IMMP2L: variants seen among roughly 807,000 people sequenced by gnomAD.
IMMP2L encodes inner mitochondrial membrane peptidase subunit 2.
Under a neutral mutation model 19.3 loss-of-function variants are expected in IMMP2L, and 18 were observed. The observed-to-expected ratio is 0.93, with a 90% CI of 0.64 to 1.38. The LOEUF (loss-of-function observed/expected upper bound fraction) is 1.38, where lower values mean the gene tolerates loss of function less well. Ranked by LOEUF, IMMP2L falls within the 40% of genes most tolerant of loss-of-function variation. The pLI, the probability that IMMP2L is intolerant of heterozygous loss-of-function variation, is 0.00. For missense variants in IMMP2L, 233 were observed against 218.2 expected, an observed-to-expected ratio of 1.07 and a Z score of -0.43; for synonymous variants, 76 against 73.0, an observed-to-expected ratio of 1.04 and a Z score of -0.21.
chr7:110,983,572 A>G (rs2129558425), intron 3 of IMMP2L, among the ~76,000 whole-genome samples: 1 of 152,208 alleles, frequency 6.6e-6, no homozygotes, highest in Non-Finnish European at 1.5e-5. Context: ...AATCACTCTT[A>G]GTTCCTACAT....
At chr7:111,176,591 T>C (rs188663840) in intron 3 of IMMP2L, among the ~76,000 whole-genome samples, 1 of 151,968 alleles carries the variant, frequency 6.6e-6, no homozygotes, top group Admixed American at 6.6e-5. Flanking sequence ...CTCATGGAGA[T>C]AGAGAGAAGA....
rs1798256448 is a variant in IMMP2L, at chr7:110,760,008, A to G, written c.409-96287T>C. On this transcript the variant is annotated intron_variant, in intron 5 of 5. Coordinates refer to ENST00000405709, the MANE Select transcript of IMMP2L (RefSeq NM_032549.4). This position sits in a 1 kb window ranked among gnomAD's most constrained non-coding sequence, Gnocchi z 4.2. ...GCTCCAGCACTTTCTGAGGAGAAAAAAAGCTTCCTTTTCTCCCCACAATGC... is the reference window on the plus strand; with the variant it reads ...GCTCCAGCACTTTCTGAGGAGAAAAGAAGCTTCCTTTTCTCCCCACAATGC... Among the ~76,000 whole-genome samples the G allele has an allele frequency of 6.6e-6, 1 of 152,092 alleles. No homozygotes were observed.
chr7:111,076,952 G>T (rs1795467794), intron 3 of IMMP2L, among the ~76,000 whole-genome samples: 2 of 151,964 alleles, frequency 1.3e-5, no homozygotes, highest in South Asian at 4.2e-4. Context: ...ACTCTAGCTA[G>T]ACCTCAATAG....
In IMMP2L at chr7:111,008,380, G is replaced by T. The variant is rs79320205; in HGVS notation, c.240-44815C>A. Among the ~76,000 whole-genome samples the T allele has an allele frequency of 7.1e-3, 1,079 of 152,060 alleles. 15 individuals are homozygous for T. Among genetic ancestry groups the T allele is most frequent in the African/African-American group, 0.025 (1,043 of 41,490 alleles). ...GGCTCAGGGACTCTGTACTAAGATT[G>T]CTCTGCCTAAGATTGCTCTTCCCCC... On this transcript the variant is annotated intron_variant, in intron 3 of 5. Transcript: ENST00000405709.
intron 1 of IMMP2L, among the ~76,000 whole-genome samples, chr7:111,556,020 A>ATGTG (rs1791292599): frequency 1.9e-5 from 1 of 53,344 alleles, no homozygotes; most frequent in African/African-American, 5.5e-5. Flanking sequence ...GTGTGCATGT[A>ATGTG]TATATATATA....
At chr7:111,309,727 T>C (rs1823294869) in intron 3 of IMMP2L, among the ~76,000 whole-genome samples, 1 of 152,154 alleles carries the variant, frequency 6.6e-6, no homozygotes, top group Admixed American at 6.6e-5. Flanking sequence ...ACAGTAGTAT[T>C]TGTTGTACTT....
In IMMP2L at chr7:111,423,720, T is replaced by A. The variant is rs182845121; in HGVS notation, c.239+63518A>T. Among the ~76,000 whole-genome samples, 856 of 151,800 alleles carry A rather than the reference T, an allele frequency of 5.6e-3. 31 individuals are homozygous for A. The highest frequency in any genetic ancestry group is 0.019 in the African/African-American group (790 of 41,178). On this transcript the variant is annotated intron_variant, in intron 3 of 5. Transcript: ENST00000405709. ...AAGAGAAAGCAGGAAAGATCTAAAA[T>A]CGACACTCTAACATCACAATTAAAA... is the stretch of plus-strand genomic sequence containing the variant.
intron 5 of IMMP2L, among the ~76,000 whole-genome samples, chr7:110,796,181 A>G (rs1471675277): frequency 6.6e-6 from 1 of 151,990 alleles, no homozygotes; most frequent in Non-Finnish European, 1.5e-5. Context: ...CAGCCATGCT[A>G]AACTATGAGT....
chr7:110,924,882 C>T lies in IMMP2L; in HGVS notation c.306-38187G>A, dbSNP rs1814688041. On this transcript the variant is annotated intron_variant, in intron 4 of 5. Transcript: ENST00000405709. The surrounding 1 kb of genome is among the most constrained non-coding windows in gnomAD (Gnocchi z 4.2). ...TACACTGCCTTAGAGCCTTATATTT[C>T]AAGAAAATGGTATATTCAAAAAAGG... Among the ~76,000 whole-genome samples the T allele has an allele frequency of 6.6e-6, 1 of 152,012 alleles. No homozygotes were observed. Among genetic ancestry groups the T allele is most frequent in the Admixed American group, 6.6e-5 (1 of 15,264 alleles).
intron 5 of IMMP2L, among the ~76,000 whole-genome samples, chr7:110,746,321 C>G (rs1797344682): frequency 6.6e-6 from 1 of 151,928 alleles, no homozygotes; most frequent in Non-Finnish European, 1.5e-5. Context: ...ACTTTAATAC[C>G]CCACTGTCAA....
At chr7:110,668,323 G>C (rs1416386223) in intron 5 of IMMP2L, among the ~76,000 whole-genome samples, 1 of 152,180 alleles carries the variant, frequency 6.6e-6, no homozygotes, top group Non-Finnish European at 1.5e-5. Context: ...TAAGTGATCT[G>C]TCATATTGCA....
At chr7:110,961,180 T>C (rs1304245185) in intron 4 of IMMP2L, among the ~76,000 whole-genome samples, 1 of 151,870 alleles carries the variant, frequency 6.6e-6, no homozygotes, top group South Asian at 2.1e-4. Context: ...ATCCCACAGA[T>C]ACAGTTGTCC....
intron 3 of IMMP2L, among the ~76,000 whole-genome samples, chr7:111,194,994 T>C (rs549943246): frequency 6.6e-6 from 1 of 152,240 alleles, no homozygotes; most frequent in Admixed American, 6.5e-5. Context: ...TTCAGTGAAT[T>C]GTTTTTAAAA....
At chr7:111,205,871 C>T (rs1260078673) in intron 3 of IMMP2L, among the ~76,000 whole-genome samples, 3 of 152,002 alleles carry the variant, frequency 2.0e-5, no homozygotes, top group African/African-American at 7.3e-5. Context: ...CTAGCTGGGG[C>T]GAGTTCATTT....
At chr7:111,309,585 G>A (rs552086875) in intron 3 of IMMP2L, among the ~76,000 whole-genome samples, 3 of 151,942 alleles carry the variant, frequency 2.0e-5, no homozygotes, top group South Asian at 2.1e-4. Flanking sequence ...AAACCCCACC[G>A]AAAAGTTCAA....
intron 3 of IMMP2L, among the ~76,000 whole-genome samples, chr7:111,273,018 C>A (rs537628143): frequency 6.6e-6 from 1 of 152,174 alleles, no homozygotes; most frequent in South Asian, 2.1e-4. Context: ...GCTCAGCATC[C>A]TGTAATCTCA....
At chr7:110,749,594 C>T (rs1234653675) in intron 5 of IMMP2L, among the ~76,000 whole-genome samples, 2 of 152,056 alleles carry the variant, frequency 1.3e-5, no homozygotes, top group African/African-American at 4.8e-5. Flanking sequence ...CTGTCCTTTG[C>T]AGGGACATGG....
rs748649668 is a variant in IMMP2L at position 111,123,514 on chromosome 7, C to T, written c.240-159949G>A. ...AAGCATCTCTTTTTACGATAACAGG[C>T]TTATTAAAGTACCCCATGTTGCTCT... On this transcript the variant is annotated intron_variant, in intron 3 of 5. Transcript: ENST00000405709. The surrounding 1 kb of genome is among the most constrained non-coding windows in gnomAD (Gnocchi z 6.4). The T allele has an allele frequency of 8.1e-6, 13 of 1,613,856 alleles. No homozygotes were observed. The highest frequency in any genetic ancestry group is 1.0e-5 in the Non-Finnish European group (12 of 1,179,932).
At chr7:110,907,611 G>A (rs764843898) in intron 4 of IMMP2L, among the ~76,000 whole-genome samples, 1 of 152,016 alleles carries the variant, frequency 6.6e-6, no homozygotes, top group East Asian at 1.9e-4. Flanking sequence ...GCCCTCACTA[G>A]GGACCCACCC....
Sources: allele counts gnomAD v4.1 joint callset (sites outside exome capture counted in the v4.1 genomes callset), GRCh38; gene constraint gnomAD v4.1.1; non-coding constraint Gnocchi (gnomAD v3.1); transcripts MANE v1.5; gene names NCBI Gene and HGNC (gene_info 2026-07-23, HGNC 2026-07-21).